The following SVIL variants were observed in gnomAD, a reference collection of about 807,000 sequenced individuals.
SVIL encodes the protein supervillin, also known as archvillin.
SVIL carries 101 observed loss-of-function variants against 240.4 expected under a neutral mutation model. The observed-to-expected ratio is 0.42, with a 90% confidence interval of 0.36 to 0.50. SVIL has a LOEUF of 0.50. Ranked by LOEUF, SVIL falls within the 20% of genes least tolerant of loss-of-function variation. SVIL has a pLI of 0.01. For synonymous variants in SVIL, 999 were observed against 1,100.0 expected (o/e 0.91, Z 1.82); for missense variants, 2,512 against 2,818.7 (o/e 0.89, Z 2.46).
chr10:29,521,531 A>T (rs2132526075), intron 16 of SVIL, among the ~76,000 whole-genome samples: 1 of 152,266 alleles, frequency 6.6e-6, no homozygotes, highest in African/African-American at 2.4e-5. Flanking sequence ...GTACAAATTT[A>T]TGTGGTGCAT....
intron 17 of SVIL, among the ~76,000 whole-genome samples, chr10:29,509,991 T>A (rs1292249310): frequency 6.6e-6 from 1 of 152,186 alleles, no homozygotes; most frequent in Non-Finnish European, 1.5e-5. Flanking sequence ...CAGCCTCAAC[T>A]TCCCGAGCTC....
chr10:29,524,530 T>TG lies in SVIL; in HGVS notation c.2527dup (p.Gln843ProfsTer59). The TG allele has an allele frequency of 6.2e-7, 1 of 1,614,226 alleles. No homozygotes were observed. The highest frequency in any genetic ancestry group is 1.7e-5 in the Admixed American group (1 of 60,030). ...TTGATAGCGAGCGTTCATTCTCCTC[T>TG]GTCTCGTGTCTATTCTGTTCCGGGT... On this transcript the variant is annotated frameshift_variant, in exon 14 of 38. Transcript: ENST00000355867. LOFTEE classifies it high-confidence loss of function.
intron 1 of SVIL, among the ~76,000 whole-genome samples, chr10:29,609,924 G>T (rs1371698366): frequency 6.6e-6 from 1 of 152,198 alleles, no homozygotes; most frequent in Non-Finnish European, 1.5e-5. Context: ...AGTCCAGCAG[G>T]CATGAGCAAA....
intron 2 of SVIL, among the ~76,000 whole-genome samples, chr10:29,671,620 T>A (rs1959781224): frequency 6.6e-6 from 1 of 152,236 alleles, no homozygotes; most frequent in South Asian, 2.1e-4. Flanking sequence ...CAGCTGTTTC[T>A]GCGTCTTTCC....
At chr10:29,703,969 T>C (rs1348616278) in intron 1 of SVIL, among the ~76,000 whole-genome samples, 1 of 152,096 alleles carries the variant, frequency 6.6e-6, no homozygotes, top group Admixed American at 6.5e-5. Flanking sequence ...CCCAGCTAAT[T>C]TTTTAATTTT....
chr10:29,618,782 C>A (rs1211225010), intron 1 of SVIL, among the ~76,000 whole-genome samples: 1 of 151,630 alleles, frequency 6.6e-6, no homozygotes. Context: ...TGCGGTGGCG[C>A]AATCAGAGCT....
intron 1 of SVIL, among the ~76,000 whole-genome samples, chr10:29,731,367 T>C (rs555118096): frequency 4.8e-4 from 73 of 152,286 alleles, no homozygotes; most frequent in South Asian, 1.0e-3. Flanking sequence ...AGTTTTCTCA[T>C]TGATTAAACA....
At chr10:29,601,627 A>G (rs1564689579) in intron 1 of SVIL, among the ~76,000 whole-genome samples, 2 of 152,174 alleles carry the variant, frequency 1.3e-5, no homozygotes, top group African/African-American at 4.8e-5. Context: ...CCATAAATGC[A>G]AAGAACAGCC....
rs3030634 is a variant in SVIL at position 29,632,840 on chromosome 10, AACACAC to A, written c.-201+1574_-201+1579del. On this transcript the variant is annotated intron_variant, in intron 1 of 37. Coordinates refer to ENST00000355867, the MANE Select transcript of SVIL (RefSeq NM_021738.3). ...CAAGGTGACCAAATAAATTATCTTT[AACACAC>A]ACACACACACACACACAGAGTATAG... Among the ~76,000 whole-genome samples the A allele has an allele frequency of 3.3e-3, 491 of 150,810 alleles. 5 individuals are homozygous for A. The highest frequency in any genetic ancestry group is 4.7e-3 in the Non-Finnish European group (316 of 67,616).
At chr10:29,513,027 TA>T (rs1157757809) in intron 16 of SVIL, among the ~76,000 whole-genome samples, 166 bp from the exon 17 acceptor site, 1 of 152,196 alleles carries the variant, frequency 6.6e-6, no homozygotes, top group Non-Finnish European at 1.5e-5. Context: ...TCTGGAAAAA[TA>T]ATAAAGTCCC....
At position 29,522,576 on chromosome 10, in the gene SVIL, C is replaced by T. The variant is rs1310607283; in HGVS notation, c.3223G>A (p.Ala1075Thr). ...CAGGACACGGGGGCTGTGGTTTGAG[C>T]AATAGTTTTCCCAGCAGCTGTCCCC... Reference protein sequence around the residue: ...QTGTAAGKTIAQTTAPVSWKP... With the variant: ...QTGTAAGKTITQTTAPVSWKP... Residue 1075 changes from alanine (A) to threonine (T), a missense_variant, in exon 16 of 38, where the codon GCT becomes ACT. By Grantham distance (58) the Ala-to-Thr change is moderately conservative. Transcript: ENST00000355867. 4 of 1,614,016 alleles carry T rather than the reference C, an allele frequency of 2.5e-6. No individual in the cohort carries two copies. Among genetic ancestry groups the T allele is most frequent in the Non-Finnish European group, 3.4e-6 (4 of 1,180,030 alleles).
rs1433744610 is a variant in SVIL at position 29,527,073 on chromosome 10, CAA to C, written c.2247-19_2247-18del. The C allele has an allele frequency of 6.2e-7, 1 of 1,603,838 alleles. No homozygotes were observed. ...ATAGGTTCACTTTAAAAGCAATTGC[CAA>C]AGAGGAAACATTCATAAGGAGAGAG... On this transcript the variant is annotated intron_variant, in intron 12 of 37. Coordinates refer to ENST00000355867, the MANE Select transcript of SVIL (RefSeq NM_021738.3).
chr10:29,685,538 A>G (rs1431277524), intron 2 of SVIL, among the ~76,000 whole-genome samples: 1 of 152,202 alleles, frequency 6.6e-6, no homozygotes, highest in African/African-American at 2.4e-5. Flanking sequence ...TCTCACCAAC[A>G]ATGTATAAGC....
At chr10:29,724,491 T>C (rs1964174049) in intron 1 of SVIL, among the ~76,000 whole-genome samples, 1 of 152,108 alleles carries the variant, frequency 6.6e-6, no homozygotes, top group Non-Finnish European at 1.5e-5. Flanking sequence ...TTTTTCTTTT[T>C]CCTGGAAACT....
At chr10:29,705,027 T>C (rs1211639650) in intron 1 of SVIL, among the ~76,000 whole-genome samples, 2 of 152,226 alleles carry the variant, frequency 1.3e-5, no homozygotes, top group East Asian at 1.9e-4. Flanking sequence ...AGGGTATTAA[T>C]GCCTTTGAAA....
intron 2 of SVIL, among the ~76,000 whole-genome samples, chr10:29,661,828 A>T (rs953812855): frequency 6.6e-6 from 1 of 151,958 alleles, no homozygotes; most frequent in African/African-American, 2.4e-5. Context: ...AATCAAATAA[A>T]CTTTCTTTCT....
chr10:29,497,433 G>A, intron 18 of SVIL, among the ~76,000 whole-genome samples: 1 of 152,136 alleles, frequency 6.6e-6, no homozygotes, highest in East Asian at 1.9e-4. Flanking sequence ...TTTCCTGCAG[G>A]ATATGAAATA....
chr10:29,598,668 C>T (rs531323392), intron 1 of SVIL, among the ~76,000 whole-genome samples: 1 of 152,268 alleles, frequency 6.6e-6, no homozygotes, highest in Non-Finnish European at 1.5e-5. Context: ...AAGGATAATC[C>T]ATATGTTTGA....
intron 17 of SVIL, chr10:29,508,182 C>T (rs1486873157): frequency 2.0e-5 from 7 of 347,818 alleles, no homozygotes; most frequent in Admixed American, 3.9e-5. Flanking sequence ...TTTAAGGGCA[C>T]GGGCTCAGCT....
Sources: gnomAD v4.1 joint callset for allele counts (sites outside exome capture counted in the v4.1 genomes callset) on GRCh38, gnomAD v4.1.1 for gene constraint, MANE v1.5 for transcripts, NCBI Gene and HGNC (gene_info 2026-07-23, HGNC 2026-07-21) for gene names.